Variants in RSPH1 observed in about 807,000 individuals in gnomAD.
RSPH1 encodes the protein radial spoke head component 1, also known as radial spoke head 1 homolog.
Under a neutral mutation model 44.2 loss-of-function variants are expected in RSPH1, and 32 were observed. That is an observed-to-expected ratio of 0.72 (90% CI 0.55 to 0.97). The LOEUF is 0.97. RSPH1 is among the 50% of genes least tolerant of loss of function. The probability of loss-of-function intolerance (pLI) is 0.00; values close to 1 mark genes in which losing one functional copy is unlikely to be tolerated. For synonymous variants in RSPH1, 134 were observed against 147.3 expected (o/e 0.91, Z 0.65); for missense variants, 391 against 398.7 (o/e 0.98, Z 0.16).
chr21:42,472,656 A>C lies in RSPH1; in HGVS notation c.*162T>G. ...TCTCGCTCTGCCACCCAGGCTGGAGAGCAGTGGCGCGATCTCCACTCACTG... is the reference window on the plus strand; with the variant it reads ...TCTCGCTCTGCCACCCAGGCTGGAGCGCAGTGGCGCGATCTCCACTCACTG... On this transcript the variant is annotated 3_prime_UTR_variant, in exon 9 of 9. Transcript: ENST00000291536. The C allele has an allele frequency of 1.9e-6, 1 of 524,450 alleles. No homozygotes were observed. The highest frequency in any genetic ancestry group is 3.5e-5 in the Admixed American group (1 of 28,822). The allele number at this position is 524,450 out of a possible 1,614,324, so 32.5% of individuals were successfully genotyped here.
chr21:42,496,181 C>G lies in RSPH1; in HGVS notation c.6G>C (p.Ser2=), dbSNP rs148682611. 5.2e-5 allele frequency: 84 copies of G among 1,614,094 alleles called. No homozygotes were observed. In the African/African-American group the frequency reaches 1.1e-3, roughly 20 times the overall value. The change falls in exon 1 of 9, where the codon TCG becomes TCC. Residue 2 remains serine, a synonymous_variant. Transcript: ENST00000291536. M[S]DLGSEELEEE... is the part of the protein sequence containing the mutation. ...CCTCCAACTCCTCCGAGCCCAGGTC[C>G]GACATGGTCTCGCCCCAGCCTGGAT... is the stretch of plus-strand genomic sequence containing the variant.
In RSPH1 at chr21:42,485,692, G is replaced by A. The variant is rs2054172983; in HGVS notation, c.478C>T (p.Gln160Ter). 1 of 1,614,054 alleles carries A rather than the reference G, an allele frequency of 6.2e-7. No individual in the cohort carries two copies. The highest frequency in any genetic ancestry group is 1.7e-5 in the Admixed American group (1 of 60,010). The change falls in exon 5 of 9, where the codon CAG (glutamine) becomes TAG (stop). Residue 160 changes from glutamine (Q) to a stop codon, truncating the protein, a stop_gained. Coordinates refer to ENST00000291536, the MANE Select transcript of RSPH1 (RefSeq NM_080860.4). LOFTEE classifies it high-confidence loss of function. ...ACATTTTTGTTCAAGAACTTGCCCTGGTACCTGTGGTTCAGGTGAATGAGC... is the reference window on the plus strand; with the variant it reads ...ACATTTTTGTTCAAGAACTTGCCCTAGTACCTGTGGTTCAGGTGAATGAGC... The part of the protein sequence containing the change: ...AELIHLNHRY[Q>*]GKFLNKNPVG...
At chr21:42,476,084 G>C (rs762185466) in intron 7 of RSPH1, 37 bp from the exon 8 acceptor site, 2 of 1,611,330 alleles carry the variant, frequency 1.2e-6, no homozygotes, top group African/African-American at 2.7e-5. Context: ...TGAGTTCCTG[G>C]GAAAAATGGA....
At chr21:42,477,006 G>T (rs370078896) in intron 7 of RSPH1, among the ~76,000 whole-genome samples, 52 of 16,288 alleles carry the variant, frequency 3.2e-3, no homozygotes, top group African/African-American at 6.2e-3. Flanking sequence ...CCCACAGCCC[G>T]GGGGATGCCC....
rs1190520671 is a variant in RSPH1 at position 42,492,996 on chromosome 21, C to G, written c.138G>C (p.Gly46=). 6.2e-7 allele frequency: 1 copy of G among 1,614,088 alleles called. No homozygotes were observed. The highest frequency in any genetic ancestry group is 1.3e-5 in the African/African-American group (1 of 74,928). ...ARLPNGDTYE[G]SYEFGKRHGQ... The stretch of plus-strand genomic sequence containing the variant: ...CATGTCTTTTACCGAATTCGTAGCT[C>G]CCTTCGTAGGTGTCCCCGTTGGGTA... Residue 46 remains glycine (G), a synonymous_variant, in exon 2 of 9, where the codon GGG becomes GGC. Coordinates refer to ENST00000291536, the MANE Select transcript of RSPH1 (RefSeq NM_080860.4).
rs1342689319 is a variant in RSPH1, at chr21:42,485,808, G to C, written c.366-4C>G. ...TAAATAGGTGCCTTGCCCATGCCTGGTTAAGACAAGGGGAACATGGTATTT... is the reference window on the plus strand; with the variant it reads ...TAAATAGGTGCCTTGCCCATGCCTGCTTAAGACAAGGGGAACATGGTATTT... On this transcript the variant is annotated splice_region_variant and splice_polypyrimidine_tract_variant and intron_variant, in intron 4 of 8. Transcript: ENST00000291536. The C allele has an allele frequency of 6.2e-7, 1 of 1,614,092 alleles. No individual in the cohort carries two copies. The highest frequency in any genetic ancestry group is 1.7e-5 in the Admixed American group (1 of 60,024).
chr21:42,482,732 T>A, intron 5 of RSPH1, 24 bp from the exon 6 acceptor site: 4 of 1,577,104 alleles, frequency 2.5e-6, no homozygotes, highest in Non-Finnish European at 3.5e-6. Context: ...GAAACCATTC[T>A]TAAGTGTCAA....
rs535172699 is a variant in RSPH1, at chr21:42,476,009, C to T, written c.766G>A (p.Glu256Lys). 9.3e-6 allele frequency: 15 copies of T among 1,613,572 alleles called. No homozygotes were observed. The South Asian group carries it at 1.6e-4, about 18-fold the overall frequency. ...ATGTCCATCTCACCCTCGAAGCCCT[C>T]CAGCAGAGCCTGGGCCTCCTCCCCG... ...EPGEEAQALLEGFEGEMDMRP... is the reference protein window; with the variant it reads ...EPGEEAQALLKGFEGEMDMRP... The change falls in exon 8 of 9, where the codon GAG becomes AAG. Residue 256 changes from glutamate to lysine, a missense_variant. Physicochemically the swap from Glu to Lys is moderately conservative, Grantham distance 56. Transcript: ENST00000291536.
At chr21:42,479,436 T>G (rs939261612) in intron 6 of RSPH1, among the ~76,000 whole-genome samples, 1 of 152,244 alleles carries the variant, frequency 6.6e-6, no homozygotes, top group African/African-American at 2.4e-5. Flanking sequence ...CCTGAAATAC[T>G]GACTTCTAGG....
At chr21:42,495,241 T>C (rs1338476572) in intron 1 of RSPH1, among the ~76,000 whole-genome samples, 1 of 152,204 alleles carries the variant, frequency 6.6e-6, no homozygotes, top group Non-Finnish European at 1.5e-5. Flanking sequence ...GGGCAGGTAG[T>C]TCCAGCGCAC....
chr21:42,473,230 C>T (rs1014505142), intron 8 of RSPH1, among the ~76,000 whole-genome samples: 2 of 152,240 alleles, frequency 1.3e-5, no homozygotes, highest in African/African-American at 4.8e-5. Context: ...GTGGCTCATG[C>T]CTGTAATCCC....
In RSPH1 at chr21:42,481,611, C is replaced by T. The variant is rs116035792; in HGVS notation, c.573+1026G>A. On this transcript the variant is annotated intron_variant, in intron 6 of 8. Coordinates refer to ENST00000291536, the MANE Select transcript of RSPH1 (RefSeq NM_080860.4). ...TCAGAGACCAAAAAACAAACAAAAGCGTGATTCCACACTCCTCCTTAAAAC... is the reference window on the plus strand; with the variant it reads ...TCAGAGACCAAAAAACAAACAAAAGTGTGATTCCACACTCCTCCTTAAAAC... Among the ~76,000 whole-genome samples the T allele has an allele frequency of 2.5e-3, 374 of 152,298 alleles. 2 individuals are homozygous for T. The highest frequency in any genetic ancestry group is 8.2e-3 in the African/African-American group (342 of 41,554).
intron 4 of RSPH1, 139 bp from the exon 5 acceptor site, chr21:42,485,943 A>T: frequency 4.7e-6 from 5 of 1,075,198 alleles, no homozygotes. Context: ...ATCTGTGTCC[A>T]GTCAGAAGGT....
intron 6 of RSPH1, among the ~76,000 whole-genome samples, chr21:42,482,409 G>A (rs1327757767): frequency 7.9e-5 from 12 of 152,120 alleles, no homozygotes; most frequent in Admixed American, 6.6e-5. Context: ...AACAAAAACG[G>A]TATCTATCAA....
At chr21:42,475,627 T>C (rs2054038549) in intron 8 of RSPH1, among the ~76,000 whole-genome samples, 1 of 145,022 alleles carries the variant, frequency 6.9e-6, no homozygotes, top group East Asian at 2.0e-4. Flanking sequence ...CTGACAGGGC[T>C]CTCCAGCCTG....
chr21:42,493,348 G>T (rs2054255788), intron 1 of RSPH1, among the ~76,000 whole-genome samples: 1 of 152,206 alleles, frequency 6.6e-6, no homozygotes, highest in Non-Finnish European at 1.5e-5. Flanking sequence ...AATTCATTGT[G>T]ATAATCCTTT....
chr21:42,493,606 C>T (rs573903218), intron 1 of RSPH1, among the ~76,000 whole-genome samples: 14 of 152,248 alleles, frequency 9.2e-5, no homozygotes, highest in African/African-American at 2.9e-4. Context: ...AAGGAATTTC[C>T]GATGGAAGGG....
intron 6 of RSPH1, 107 bp from the exon 7 acceptor site, chr21:42,477,551 G>A: frequency 1.7e-6 from 2 of 1,196,030 alleles, no homozygotes; most frequent in Non-Finnish European, 2.4e-6. Context: ...GTTTTGGCTT[G>A]TGTTTCAGCC....
intron 7 of RSPH1, among the ~76,000 whole-genome samples, chr21:42,476,950 C>T (rs1292579719): frequency 6.6e-6 from 1 of 152,010 alleles, no homozygotes; most frequent in Admixed American, 6.5e-5. Flanking sequence ...CCCAAAGGCG[C>T]CCACACCCTC....
Sources: gnomAD v4.1 joint callset for allele counts (sites outside exome capture counted in the v4.1 genomes callset) on GRCh38, gnomAD v4.1.1 for gene constraint, MANE v1.5 for transcripts, NCBI Gene and HGNC (gene_info 2026-07-23, HGNC 2026-07-21) for gene names.